The following GLS variants were observed in gnomAD, a reference collection of about 807,000 sequenced individuals.
GLS encodes glutaminase kidney isoform, mitochondrial.
GLS carries 36 observed loss-of-function variants against 86.7 expected under a neutral mutation model. The ratio of observed to expected loss-of-function variants is 0.42; its 90% CI spans 0.32 to 0.55. GLS has a LOEUF of 0.55. GLS is among the 20% of genes least tolerant of loss of function. GLS has a pLI of 0.17. For missense variants in GLS, 528 were observed against 833.4 expected (o/e 0.63, Z 4.51); for synonymous variants, 317 against 305.9 (o/e 1.04, Z -0.38).
chr2:190,907,385 G>A (rs1053891586), intron 6 of GLS, among the ~76,000 whole-genome samples: 1 of 151,958 alleles, frequency 6.6e-6, no homozygotes, highest in Non-Finnish European at 1.5e-5. Flanking sequence ...AGCCTCCCGA[G>A]TAGCTGGGAT....
intron 6 of GLS, among the ~76,000 whole-genome samples, chr2:190,908,558 C>G (rs1689242441): frequency 1.3e-5 from 2 of 152,268 alleles, no homozygotes; most frequent in South Asian, 4.1e-4. Context: ...AAATGATAGC[C>G]TTTATTAGTG....
Position 190,902,116 on chromosome 2 carries a change from A to G in GLS, c.815+90A>G, listed in dbSNP as rs74549655. The G allele has an allele frequency of 7.8e-3, 5,920 of 762,644 alleles. 160 individuals are homozygous for G. In the East Asian group the frequency reaches 0.081, roughly 10 times the overall value. 47.2% of individuals were successfully genotyped at this position (762,644 alleles called of 1,614,324 possible). A position where few individuals can be genotyped will look rare whatever the true frequency, so the allele number is the denominator to read the frequency against. On this transcript the variant is annotated intron_variant, in intron 5 of 17. Transcript: ENST00000320717. ...GACATGGAGAAGATCATCTTTTATA[A>G]TGGAAATTAGTCCTAACAGGATATA...
intron 5 of GLS, among the ~76,000 whole-genome samples, chr2:190,903,629 A>G (rs1466189023): frequency 6.6e-6 from 1 of 152,170 alleles, no homozygotes; most frequent in Non-Finnish European, 1.5e-5. Context: ...CTCTTCTTAA[A>G]CATTCTCTAT....
chr2:190,954,664 A>G lies in GLS; in HGVS notation c.1789+4A>G. The G allele has an allele frequency of 6.2e-7, 1 of 1,609,010 alleles. No individual in the cohort carries two copies. Among genetic ancestry groups the G allele is most frequent in the South Asian group, 1.1e-5 (1 of 90,986 alleles). On this transcript the variant is annotated splice_donor_region_variant and intron_variant, in intron 16 of 17. Coordinates refer to ENST00000320717, the MANE Select transcript of GLS (RefSeq NM_014905.5). The surrounding 1 kb of genome is among the most constrained non-coding windows in gnomAD (Gnocchi z 4.0). Reference sequence around the variant, plus strand: ...CTCCATGTAGCTGCTGCAGAGGGTAATACAGGAACTACTCCTATCTATTTT... The same window carrying G: ...CTCCATGTAGCTGCTGCAGAGGGTAGTACAGGAACTACTCCTATCTATTTT...
intron 1 of GLS, among the ~76,000 whole-genome samples, chr2:190,892,055 ATTC>A (rs1222794643): frequency 2.6e-5 from 4 of 152,146 alleles, no homozygotes; most frequent in Non-Finnish European, 5.9e-5. Flanking sequence ...TCATAGATCT[ATTC>A]TTGTAATTCC....
chr2:190,933,131 T>G, intron 14 of GLS: 4 of 876,772 alleles, frequency 4.6e-6, no homozygotes, highest in Non-Finnish European at 5.5e-6. Context: ...TTTTTTGATG[T>G]AATTAAAATG....
At chr2:190,902,054 C>A in intron 5 of GLS, 28 bp downstream of exon 5, 1 of 1,294,278 alleles carries the variant, frequency 7.7e-7, no homozygotes, top group Non-Finnish European at 1.1e-6. Flanking sequence ...TCATGAAAAC[C>A]AACTCTAAGC....
chr2:190,955,101 A>G lies in GLS; in HGVS notation c.1853+283A>G, dbSNP rs1222706710. Among the ~76,000 whole-genome samples the G allele has an allele frequency of 1.3e-5, 2 of 152,146 alleles. No individual in the cohort carries two copies. Among genetic ancestry groups the G allele is most frequent in the Non-Finnish European group, 2.9e-5 (2 of 68,020 alleles). ...TTTTTTTTGCATTTGGGAAGAAAGA[A>G]TTGGAATTTTATCCTCATGGATTTT... is the stretch of plus-strand genomic sequence containing the variant. On this transcript the variant is annotated intron_variant, in intron 17 of 17. Coordinates refer to ENST00000320717, the MANE Select transcript of GLS (RefSeq NM_014905.5). This position sits in a 1 kb window ranked among gnomAD's most constrained non-coding sequence, Gnocchi z 5.6.
intron 1 of GLS, 113 bp downstream of exon 1, chr2:190,881,583 GAA>G: frequency 1.9e-6 from 2 of 1,036,710 alleles, no homozygotes; most frequent in Non-Finnish European, 2.7e-6. Flanking sequence ...AAAAGAGAAA[GAA>G]AGAGGTGCCG....
At chr2:190,889,673 A>C (rs1248187605) in intron 1 of GLS, among the ~76,000 whole-genome samples, 1 of 152,150 alleles carries the variant, frequency 6.6e-6, no homozygotes, top group Admixed American at 6.5e-5. Flanking sequence ...ATCTCCCCAG[A>C]TCCTAGTCTT....
chr2:190,919,740 T>G lies in GLS; in HGVS notation c.1039-1284T>G, dbSNP rs371841103. ...TTGGAGTTACATTTCTACATTTTGA[T>G]TTCTGGTATATTATAAGGAAAGAAA... On this transcript the variant is annotated intron_variant, in intron 7 of 17. Coordinates refer to ENST00000320717, the MANE Select transcript of GLS (RefSeq NM_014905.5). 259 of 548,418 alleles carry G rather than the reference T, an allele frequency of 4.7e-4. 5 individuals are homozygous for G. In the South Asian group the frequency reaches 0.019, roughly 40 times the overall value. The allele number at this position is 548,418 out of a possible 1,614,324, so 34.0% of individuals were successfully genotyped here.
chr2:190,892,505 T>C (rs1249697612), intron 1 of GLS, among the ~76,000 whole-genome samples: 1 of 152,294 alleles, frequency 6.6e-6, no homozygotes, highest in East Asian at 1.9e-4. Context: ...CTCTCAAGGA[T>C]TTCCTAGTTA....
In GLS at chr2:190,880,858, C is replaced by A. The variant is rs1574548961; in HGVS notation, c.-227C>A. ...TAGGCGGAGCGAAGAGAACCGGTCG[C>A]GGCAATCCTAGCGCGCAGCAGCAGC... On this transcript the variant is annotated 5_prime_UTR_variant, in exon 1 of 18. Transcript: ENST00000320717. The A allele has an allele frequency of 2.5e-6, 2 of 811,850 alleles. No homozygotes were observed. The highest frequency in any genetic ancestry group is 6.9e-4 in the Middle Eastern group (2 of 2,914). The allele number at this position is 811,850 out of a possible 1,614,324, so 50.3% of individuals were successfully genotyped here.
intron 14 of GLS, among the ~76,000 whole-genome samples, chr2:190,945,664 CAA>C (rs1195607642): frequency 1.8e-5 from 2 of 109,404 alleles, no homozygotes; most frequent in Non-Finnish European, 1.9e-5. Flanking sequence ...GAGCCTGTCT[CAA>C]AAAAAAAAAA....
intron 12 of GLS, among the ~76,000 whole-genome samples, chr2:190,928,315 A>AT (rs1436215676): frequency 6.6e-6 from 1 of 151,298 alleles, no homozygotes; most frequent in Non-Finnish European, 1.5e-5. Flanking sequence ...GATTTCCTGG[A>AT]TTATCTTGTA....
In GLS at chr2:190,954,645, G is replaced by A; in HGVS notation, c.1774G>A (p.Val592Ile). The A allele has an allele frequency of 2.5e-6, 4 of 1,611,914 alleles. No individual in the cohort carries two copies. Among genetic ancestry groups the A allele is most frequent in the Non-Finnish European group, 3.4e-6 (4 of 1,177,980 alleles). Residue 592 changes from valine to isoleucine, a missense_variant, in exon 16 of 18, where the codon GTA becomes ATA. Physicochemically the swap from Val to Ile is conservative, Grantham distance 29. Coordinates refer to ENST00000320717, the MANE Select transcript of GLS (RefSeq NM_014905.5). This position sits in a 1 kb window ranked among gnomAD's most constrained non-coding sequence, Gnocchi z 4.0. ...CTATGATTCTAGAACAGCACTCCATGTAGCTGCTGCAGAGGGTAATACAGG... is the reference window on the plus strand; with the variant it reads ...CTATGATTCTAGAACAGCACTCCATATAGCTGCTGCAGAGGGTAATACAGG... ...RDYDSRTALH[V>I]AAAEGHVEVV...
chr2:190,923,290 T>G (rs557916268), intron 9 of GLS, among the ~76,000 whole-genome samples: 1 of 152,322 alleles, frequency 6.6e-6, no homozygotes, highest in African/African-American at 2.4e-5. Context: ...GTTTTGATAA[T>G]TTGGTCCCAG....
intron 14 of GLS, among the ~76,000 whole-genome samples, chr2:190,942,673 G>A (rs1171470044): frequency 6.6e-6 from 1 of 152,170 alleles, no homozygotes; most frequent in Non-Finnish European, 1.5e-5. Context: ...GGAGAACACT[G>A]GAAAAGCAAA....
rs972295302 is a variant in GLS at position 190,930,764 on chromosome 2, C to A, written c.1557+196C>A. ...CAGACAGCTCCCATTTAATTATTCC[C>A]ACAGATTATATTTGTTAGATGCTAA... On this transcript the variant is annotated intron_variant, in intron 13 of 17. Transcript: ENST00000320717. This position sits in a 1 kb window ranked among gnomAD's most constrained non-coding sequence, Gnocchi z 5.0. Among the ~76,000 whole-genome samples, 8 of 152,096 alleles carry A rather than the reference C, an allele frequency of 5.3e-5. No individual in the cohort carries two copies. Among genetic ancestry groups the A allele is most frequent in the African/African-American group, 1.7e-4 (7 of 41,412 alleles).
Sources: gnomAD v4.1 joint callset for allele counts (sites outside exome capture counted in the v4.1 genomes callset) on GRCh38, gnomAD v4.1.1 for gene constraint, Gnocchi (gnomAD v3.1) non-coding constraint, MANE v1.5 for transcripts, NCBI Gene and HGNC (gene_info 2026-07-23, HGNC 2026-07-21) for gene names.